Variants in CSGALNACT1 observed in about 807,000 individuals in gnomAD.
CSGALNACT1 encodes chondroitin sulfate N-acetylgalactosaminyltransferase 1.
A neutral mutation model predicts 51.0 loss-of-function variants in CSGALNACT1; 52 were observed. The ratio of observed to expected loss-of-function variants is 1.02; its 90% CI spans 0.82 to 1.29. The LOEUF (loss-of-function observed/expected upper bound fraction) is 1.29. Ranked by LOEUF, CSGALNACT1 falls within the 50% of genes most tolerant of loss-of-function variation. The pLI, the probability that CSGALNACT1 is intolerant of heterozygous loss-of-function variation, is 0.00. For missense variants in CSGALNACT1, 935 were observed against 679.2 expected (o/e 1.38, Z -4.19); for synonymous variants, 341 against 254.4 (o/e 1.34, Z -3.24).
intron 1 of CSGALNACT1, 119 bp from the exon 2 acceptor site, chr8:19,601,984 A>C: frequency 2.5e-6 from 1 of 400,470 alleles, no homozygotes; most frequent in Admixed American, 2.9e-5. Flanking sequence ...TGCATCTGAA[A>C]GTATTACCCC....
At chr8:19,662,141 T>C (rs1017022112) in intron 1 of CSGALNACT1, among the ~76,000 whole-genome samples, 3 of 130,364 alleles carry the variant, frequency 2.3e-5, no homozygotes, top group Non-Finnish European at 4.7e-5. Flanking sequence ...TGAGGCTAGG[T>C]GCGGTGGGGC....
chr8:19,592,819 C>A (rs1185732317), intron 2 of CSGALNACT1, among the ~76,000 whole-genome samples: 1 of 152,122 alleles, frequency 6.6e-6, no homozygotes, highest in African/African-American at 2.4e-5. Context: ...ATGTTAACAA[C>A]AGGTCAATCT....
intron 1 of CSGALNACT1, among the ~76,000 whole-genome samples, chr8:19,610,003 G>A (rs936413669): frequency 2.0e-5 from 3 of 152,088 alleles, no homozygotes; most frequent in Admixed American, 6.5e-5. Flanking sequence ...GGTGGATCAC[G>A]AGGTCAGGAG....
intron 5 of CSGALNACT1, among the ~76,000 whole-genome samples, chr8:19,452,795 C>A (rs895192753): frequency 2.0e-5 from 3 of 152,038 alleles, no homozygotes; most frequent in Admixed American, 2.0e-4. Flanking sequence ...CTACACCAAG[C>A]GAGCCGGGCA....
At chr8:19,482,525 A>G (rs139908399) in intron 4 of CSGALNACT1, among the ~76,000 whole-genome samples, 1 of 152,220 alleles carries the variant, frequency 6.6e-6, no homozygotes, top group African/African-American at 2.4e-5. Context: ...GCCTTTCTCA[A>G]TATTCGATGC....
chr8:19,635,036 C>A (rs940425453), intron 1 of CSGALNACT1, among the ~76,000 whole-genome samples: 1 of 152,176 alleles, frequency 6.6e-6, no homozygotes, highest in South Asian at 2.1e-4. Flanking sequence ...AAATGTTGTA[C>A]GTTTTAAGTA....
intron 1 of CSGALNACT1, among the ~76,000 whole-genome samples, chr8:19,656,942 T>G (rs1023753619): frequency 1.3e-5 from 2 of 151,838 alleles, no homozygotes; most frequent in Non-Finnish European, 2.9e-5. Flanking sequence ...GGCACATGCC[T>G]GTAGTCCCAG....
At chr8:19,663,070 T>C (rs886188226) in intron 1 of CSGALNACT1, among the ~76,000 whole-genome samples, 2 of 152,212 alleles carry the variant, frequency 1.3e-5, no homozygotes, top group African/African-American at 4.8e-5. Flanking sequence ...TATCAATCTA[T>C]TGCGTTCCTC....
chr8:19,660,959 C>A (rs566798758), intron 1 of CSGALNACT1, among the ~76,000 whole-genome samples: 27 of 152,308 alleles, frequency 1.8e-4, no homozygotes, highest in African/African-American at 6.5e-4. Flanking sequence ...GTCGCCCAGG[C>A]TGGAGTGCAG....
At chr8:19,699,736 C>T (rs991310274) in intron 1 of CSGALNACT1, among the ~76,000 whole-genome samples, 1 of 152,198 alleles carries the variant, frequency 6.6e-6, no homozygotes, top group Non-Finnish European at 1.5e-5. Context: ...GAATGTGAAT[C>T]TACCTATTGC....
At chr8:19,744,199 A>G in intron 1 of CSGALNACT1, among the ~76,000 whole-genome samples, 1 of 152,232 alleles carries the variant, frequency 6.6e-6, no homozygotes, top group South Asian at 2.1e-4. Context: ...AGGTATAATC[A>G]TTAAAAGTAA....
At position 19,622,969 on chromosome 8, in the gene CSGALNACT1, G is replaced by A. The variant is rs193239427; in HGVS notation, c.-543-21104C>T. 9.9e-5 allele frequency among the ~76,000 whole-genome samples: 15 copies of A among 152,246 alleles called. No individual in the cohort carries two copies. The East Asian group carries it at 2.7e-3, about 27-fold the overall frequency. On this transcript the variant is annotated intron_variant, in intron 1 of 9. Transcript: ENST00000332246. ...AATTGAAGTATGCTGCTTAGATGAC[G>A]GGTTGATAGGTACTGCAAACCACCC...
At chr8:19,507,618 T>G (rs1380476065) in intron 3 of CSGALNACT1, among the ~76,000 whole-genome samples, 3 of 150,894 alleles carry the variant, frequency 2.0e-5, no homozygotes, top group Non-Finnish European at 4.4e-5. Context: ...GAAACCTTCC[T>G]AAATGCATCT....
rs570709743 is a variant in CSGALNACT1 at position 19,701,138 on chromosome 8, G to T, written c.-297+56712C>A. 1.3e-4 allele frequency among the ~76,000 whole-genome samples: 15 copies of T among 119,332 alleles called. No homozygotes were observed. The South Asian group carries it at 1.5e-3, about 12-fold the overall frequency. 78.3% of individuals were successfully genotyped at this position (119,332 alleles called of 152,430 possible). On this transcript the variant is annotated intron_variant, in intron 1 of 1. Transcript: ENST00000517494. ...AAGGAAGGAGACCAAGAAAATTTCA[G>T]TTCATCTATTATCCGTTTTTTTTTT...
At chr8:19,456,168 T>C (rs2064045947) in intron 5 of CSGALNACT1, among the ~76,000 whole-genome samples, 2 of 152,354 alleles carry the variant, frequency 1.3e-5, no homozygotes, top group East Asian at 1.9e-4. Context: ...TCCTGTTTTA[T>C]TGCTATTGTT....
intron 1 of CSGALNACT1, among the ~76,000 whole-genome samples, chr8:19,756,093 T>G: frequency 6.6e-6 from 1 of 152,152 alleles, no homozygotes; most frequent in Middle Eastern, 3.2e-3. Context: ...CCTTTCTCCC[T>G]CCAATTAGCA....
chr8:19,553,881 C>T (rs1025018343), intron 3 of CSGALNACT1, among the ~76,000 whole-genome samples: 2 of 146,192 alleles, frequency 1.4e-5, no homozygotes, highest in Non-Finnish European at 3.0e-5. Flanking sequence ...AAATAATCAC[C>T]GAACAAGAAA....
At chr8:19,654,439 T>C (rs2058086637) in intron 1 of CSGALNACT1, among the ~76,000 whole-genome samples, 1 of 152,196 alleles carries the variant, frequency 6.6e-6, no homozygotes, top group Non-Finnish European at 1.5e-5. Flanking sequence ...TAAATCCAGA[T>C]CACAGCAGCC....
chr8:19,745,186 T>A (rs967035720), intron 1 of CSGALNACT1, among the ~76,000 whole-genome samples: 1 of 152,186 alleles, frequency 6.6e-6, no homozygotes, highest in Admixed American at 6.5e-5. Flanking sequence ...TCAAATAGGG[T>A]TTAGCACATA....
Sources: gnomAD v4.1 joint callset for allele counts (sites outside exome capture counted in the v4.1 genomes callset) on GRCh38, gnomAD v4.1.1 for gene constraint, MANE v1.5 for transcripts, NCBI Gene and HGNC (gene_info 2026-07-23, HGNC 2026-07-21) for gene names.